The following ADAMTSL3 variants were observed in gnomAD, a reference collection of about 807,000 sequenced individuals.
ADAMTSL3 encodes the protein ADAMTS like 3, also known as ADAMTS-like protein 3.
A neutral mutation model predicts 201.7 loss-of-function variants in ADAMTSL3; 128 were observed. The observed-to-expected ratio is 0.63, with a 90% CI of 0.55 to 0.73. The LOEUF (loss-of-function observed/expected upper bound fraction) is 0.73. ADAMTSL3 is among the 30% of genes least tolerant of loss of function. The probability of loss-of-function intolerance (pLI) is 0.00; values close to 1 mark genes in which losing one functional copy is unlikely to be tolerated. For synonymous variants in ADAMTSL3, 738 were observed against 748.4 expected (o/e 0.99, Z 0.23); for missense variants, 1,990 against 2,119.6 (o/e 0.94, Z 1.20).
chr15:83,988,750 G>A lies in ADAMTSL3; in HGVS notation c.3776G>A (p.Gly1259Asp). Residue 1259 changes from glycine to aspartate, a missense_variant, in exon 22 of 30, where the codon GGC becomes GAC. Physicochemically the swap from Gly to Asp is moderately conservative, Grantham distance 94. Transcript: ENST00000286744. ...QIQNPTRKEQGIYECSVANHL... is the reference protein window; with the variant it reads ...QIQNPTRKEQDIYECSVANHL... Reference sequence around the variant, plus strand: ...CAGAATCCTACAAGGAAAGAACAAGGCATATATGAATGTTCTGTAGCTAAT... The same window carrying A: ...CAGAATCCTACAAGGAAAGAACAAGACATATATGAATGTTCTGTAGCTAAT... 5 of 1,609,520 alleles carry A rather than the reference G, an allele frequency of 3.1e-6. No individual in the cohort carries two copies. Among genetic ancestry groups the A allele is most frequent in the Non-Finnish European group, 4.2e-6 (5 of 1,177,210 alleles).
At chr15:83,973,748 A>C (rs545667401) in intron 20 of ADAMTSL3, among the ~76,000 whole-genome samples, 1 of 151,950 alleles carries the variant, frequency 6.6e-6, no homozygotes, top group Admixed American at 6.6e-5. Flanking sequence ...TTTCACCTCA[A>C]ATCTACCCCC....
chr15:83,908,015 C>A (rs572053736), intron 15 of ADAMTSL3, among the ~76,000 whole-genome samples: 1 of 152,148 alleles, frequency 6.6e-6, no homozygotes, highest in Non-Finnish European at 1.5e-5. Flanking sequence ...ATATGTTTTT[C>A]TTTCACTAAT....
intron 26 of ADAMTSL3, among the ~76,000 whole-genome samples, chr15:84,025,014 C>T (rs573310704): frequency 1.3e-5 from 2 of 152,284 alleles, no homozygotes; most frequent in East Asian, 1.9e-4. Flanking sequence ...AGCTGTACCC[C>T]ATTCCTAAAG....
chr15:83,870,758 C>A (rs371469516), intron 8 of ADAMTSL3, 44 bp from the exon 9 acceptor site: 26 of 1,468,624 alleles, frequency 1.8e-5, no homozygotes, highest in Non-Finnish European at 2.4e-5. Flanking sequence ...TAATAAAATA[C>A]CTTTAAGATT....
At chr15:83,829,752 A>G (rs2064113697) in intron 6 of ADAMTSL3, among the ~76,000 whole-genome samples, 1 of 152,244 alleles carries the variant, frequency 6.6e-6, no homozygotes, top group Non-Finnish European at 1.5e-5. Flanking sequence ...GTTTCAAAGA[A>G]CATCTTTATT....
chr15:83,674,718 C>CATATATACATATATACCCAT (rs2061373748), intron 2 of ADAMTSL3, among the ~76,000 whole-genome samples: 1 of 63,972 alleles, frequency 1.6e-5, no homozygotes, highest in East Asian at 6.6e-4. Context: ...TATATACACA[C>CATATATACATATATACCCAT]ATATATACAT....
chr15:83,882,591 A>C (rs1183542545), intron 9 of ADAMTSL3, among the ~76,000 whole-genome samples: 1 of 152,056 alleles, frequency 6.6e-6, no homozygotes, highest in East Asian at 1.9e-4. Flanking sequence ...AAAGTTTCAC[A>C]ATCTTTTTGT....
intron 19 of ADAMTSL3, among the ~76,000 whole-genome samples, chr15:83,951,052 T>C (rs1308774057): frequency 6.6e-6 from 1 of 151,628 alleles, no homozygotes; most frequent in Non-Finnish European, 1.5e-5. Context: ...ACTAGGACTA[T>C]GTTGAATAAC....
intron 23 of ADAMTSL3, among the ~76,000 whole-genome samples, chr15:84,009,100 C>T (rs1157356383): frequency 1.3e-5 from 2 of 152,202 alleles, no homozygotes; most frequent in Non-Finnish European, 2.9e-5. Context: ...TGCCCTTGCC[C>T]CCTGCAATCA....
chr15:83,950,154 C>T (rs2066731883), intron 19 of ADAMTSL3, among the ~76,000 whole-genome samples: 2 of 152,060 alleles, frequency 1.3e-5, no homozygotes, highest in Admixed American at 1.3e-4. Context: ...AAACTTAAGG[C>T]TTTAATCCAT....
intron 2 of ADAMTSL3, among the ~76,000 whole-genome samples, chr15:83,662,324 C>T (rs1171690818): frequency 7.2e-6 from 1 of 139,006 alleles, no homozygotes. Context: ...ATCGCAAGAA[C>T]AAAAAACCAA....
intron 3 of ADAMTSL3, among the ~76,000 whole-genome samples, chr15:83,736,261 T>C (rs2062368103): frequency 6.6e-6 from 1 of 152,218 alleles, no homozygotes; most frequent in East Asian, 1.9e-4. Context: ...TAAATAATTA[T>C]AATTTAAAAA....
intron 10 of ADAMTSL3, among the ~76,000 whole-genome samples, chr15:83,888,633 G>C (rs923362353): frequency 6.6e-6 from 1 of 152,150 alleles, no homozygotes; most frequent in Non-Finnish European, 1.5e-5. Flanking sequence ...TCCTAGTCCC[G>C]TCTGTAATCG....
intron 3 of ADAMTSL3, among the ~76,000 whole-genome samples, chr15:83,750,864 AATTCGTTG>A (rs1428246493): frequency 6.6e-6 from 1 of 152,104 alleles, no homozygotes; most frequent in Non-Finnish European, 1.5e-5. Flanking sequence ...GAGACATTTT[AATTCGTTG>A]ATTCATTGAC....
chr15:83,882,535 T>A (rs747472431), intron 9 of ADAMTSL3, among the ~76,000 whole-genome samples: 2 of 152,240 alleles, frequency 1.3e-5, no homozygotes, highest in Non-Finnish European at 2.9e-5. Flanking sequence ...AGGTACATTC[T>A]TTAGTAGTTT....
chr15:83,970,346 A>G, intron 19 of ADAMTSL3, 138 bp from the exon 20 acceptor site: 1 of 914,522 alleles, frequency 1.1e-6, no homozygotes. Flanking sequence ...AAAGATGTTC[A>G]AGCCTAGGAA....
chr15:83,791,716 C>T (rs976064189), intron 4 of ADAMTSL3, among the ~76,000 whole-genome samples: 7 of 151,820 alleles, frequency 4.6e-5, no homozygotes, highest in Admixed American at 3.9e-4. Flanking sequence ...AAAAAATTGC[C>T]GGGCATGGTA....
chr15:83,714,843 TC>T, intron 3 of ADAMTSL3, among the ~76,000 whole-genome samples: 1 of 129,354 alleles, frequency 7.7e-6, no homozygotes, highest in Admixed American at 8.4e-5. Flanking sequence ...TCTTTCTTTC[TC>T]TCTCTTTCCC....
chr15:83,815,159 C>CT (rs2063753572), intron 5 of ADAMTSL3, among the ~76,000 whole-genome samples: 2 of 152,170 alleles, frequency 1.3e-5, no homozygotes, highest in African/African-American at 4.8e-5. Flanking sequence ...CCTGCACTGA[C>CT]TGACACTTCC....
Sources: gnomAD v4.1 joint callset for allele counts (sites outside exome capture counted in the v4.1 genomes callset) on GRCh38, gnomAD v4.1.1 for gene constraint, MANE v1.5 for transcripts, NCBI Gene and HGNC (gene_info 2026-07-23, HGNC 2026-07-21) for gene names.